SYNE1: variants seen among roughly 807,000 people sequenced by gnomAD.
SYNE1 encodes the protein nesprin-1.
A neutral mutation model predicts 1,111.0 loss-of-function variants in SYNE1; 616 were observed. The ratio of observed to expected loss-of-function variants is 0.55; its 90% confidence interval spans 0.52 to 0.59. SYNE1 has a LOEUF of 0.59. Among genes scored for constraint, SYNE1 ranks in the 20% least tolerant of loss-of-function variants. The pLI, the probability that SYNE1 is intolerant of heterozygous loss-of-function variation, is 0.00. For synonymous variants in SYNE1, 3,855 were observed against 3,825.8 expected (o/e 1.01, Z -0.28); for missense variants, 10,006 against 10,417.0 (o/e 0.96, Z 1.72).
rs866797912 is a variant in SYNE1, at chr6:152,356,374, A to T, written c.10609-1398T>A. On this transcript the variant is annotated intron_variant, in intron 66 of 145. Coordinates refer to ENST00000367255, the MANE Select transcript of SYNE1 (RefSeq NM_182961.4). Reference sequence around the variant, plus strand: ...TATCTATTATCCAAGTTAATATTCTATTAAATAAATTCTCATATATCCCAA... The same window carrying T: ...TATCTATTATCCAAGTTAATATTCTTTTAAATAAATTCTCATATATCCCAA... Among the ~76,000 whole-genome samples the T allele has an allele frequency of 2.8e-4, 42 of 151,064 alleles. No homozygotes were observed. In the Middle Eastern group the frequency reaches 0.017, roughly 62 times the overall value.
At chr6:152,262,317 T>A in intron 100 of SYNE1, 129 bp from the exon 101 acceptor site, 1 of 841,420 alleles carries the variant, frequency 1.2e-6, no homozygotes. Flanking sequence ...GCTTACACTT[T>A]AAAAATAACA....
Position 152,310,849 on chromosome 6 carries a change from T to A in SYNE1, c.16735A>T (p.Ile5579Phe), listed in dbSNP as rs1396204256. 1 of 1,613,886 alleles carries A rather than the reference T, an allele frequency of 6.2e-7. No homozygotes were observed. The highest frequency in any genetic ancestry group is 1.3e-5 in the African/African-American group (1 of 74,896). ...GTCATTGCTTCCAGCTCACTGTCAA[T>A]TTCTTTGGATTCTTCTAGCAGGGTC... is the stretch of plus-strand genomic sequence containing the variant. Reference protein sequence around the residue: ...HQTLLEESKEIDSELEAMTEK... With the variant: ...HQTLLEESKEFDSELEAMTEK... Residue 5579 changes from isoleucine to phenylalanine, a missense_variant, in exon 88 of 146, where the codon ATT becomes TTT. Coordinates refer to ENST00000367255, the MANE Select transcript of SYNE1 (RefSeq NM_182961.4).
intron 63 of SYNE1, among the ~76,000 whole-genome samples, chr6:152,364,514 A>G (rs866969088): frequency 5.3e-5 from 8 of 151,220 alleles, no homozygotes; most frequent in African/African-American, 1.7e-4. Flanking sequence ...ATTTTTAGTT[A>G]TATTACCACA....
Position 152,465,464 on chromosome 6 carries a change from A to C in SYNE1, c.1730-4T>G. 1 of 1,611,826 alleles carries C rather than the reference A, an allele frequency of 6.2e-7. No homozygotes were observed. Among genetic ancestry groups the C allele is most frequent in the Non-Finnish European group, 8.5e-7 (1 of 1,178,928 alleles). On this transcript the variant is annotated splice_region_variant and splice_polypyrimidine_tract_variant and intron_variant, in intron 17 of 145. Coordinates refer to ENST00000367255, the MANE Select transcript of SYNE1 (RefSeq NM_182961.4). ...ATCACATTCTCAGCTTCTTCCACTGAAACAGATAAAACCAATTATAACCCT... is the reference window on the plus strand; with the variant it reads ...ATCACATTCTCAGCTTCTTCCACTGCAACAGATAAAACCAATTATAACCCT...
chr6:152,302,171 C>T, intron 91 of SYNE1, 108 bp from the exon 92 acceptor site: 2 of 1,490,996 alleles, frequency 1.3e-6, no homozygotes, highest in Non-Finnish European at 1.8e-6. Flanking sequence ...CAGAGCCGCG[C>T]GGGCCCGGGA....
At chr6:152,595,447 CCTT>C (rs764554860) in intron 3 of SYNE1, among the ~76,000 whole-genome samples, 6 of 152,172 alleles carry the variant, frequency 3.9e-5, no homozygotes, top group South Asian at 2.1e-4. Flanking sequence ...AAGGCTCTGT[CCTT>C]CTCATGCAGG....
chr6:152,475,984 A>C (rs1038191207), intron 14 of SYNE1, among the ~76,000 whole-genome samples: 3 of 152,126 alleles, frequency 2.0e-5, no homozygotes, highest in African/African-American at 7.2e-5. Context: ...CTCCAACTTC[A>C]CTGGTTGCTC....
intron 84 of SYNE1, among the ~76,000 whole-genome samples, chr6:152,319,610 T>C (rs1394405888): frequency 2.0e-5 from 3 of 152,234 alleles, no homozygotes; most frequent in African/African-American, 7.2e-5. Context: ...TAACAAACAT[T>C]CACACTGTTG....
chr6:152,252,900 T>C (rs1026078982), intron 104 of SYNE1, among the ~76,000 whole-genome samples: 125 of 152,366 alleles, frequency 8.2e-4, no homozygotes, highest in African/African-American at 2.6e-3. Flanking sequence ...GCCTAATTCA[T>C]ATTTTACTGT....
chr6:152,353,210 G>T, intron 69 of SYNE1, 53 bp downstream of exon 69: 1 of 1,603,526 alleles, frequency 6.2e-7, no homozygotes, highest in South Asian at 1.1e-5. Flanking sequence ...AGGAGAATGG[G>T]GCAGCTTGGT....
rs757719808 is a variant in SYNE1, at chr6:152,451,103, G to A, written c.3130C>T (p.Arg1044Ter). The change falls in exon 26 of 146, where the codon CGA becomes TGA. Residue 1044 changes from arginine to a stop codon, truncating the protein, a stop_gained. Coordinates refer to ENST00000367255, the MANE Select transcript of SYNE1 (RefSeq NM_182961.4). LOFTEE classifies it high-confidence loss of function. ...TCCTGGGGCATCAGCTTGGTCTCTC[G>A]ATCCAGCTCAGTTCTGCATTCTTCT... ...SVEECRTELD[R>*]ETKLMPQEGS... 3.7e-6 allele frequency: 6 copies of A among 1,613,994 alleles called. No homozygotes were observed. The highest frequency in any genetic ancestry group is 1.3e-5 in the African/African-American group (1 of 74,994).
At position 152,465,843 on chromosome 6, in the gene SYNE1, C is replaced by T. The variant is rs1446187025; in HGVS notation, c.1729+139G>A. On this transcript the variant is annotated intron_variant, in intron 17 of 145. Coordinates refer to ENST00000367255, the MANE Select transcript of SYNE1 (RefSeq NM_182961.4). Reference sequence around the variant, plus strand: ...TTGTACAAAGCCAAGGGAACTGAATCCAGTATGTGTTCTCCTGGCCAATGG... The same window carrying T: ...TTGTACAAAGCCAAGGGAACTGAATTCAGTATGTGTTCTCCTGGCCAATGG... The T allele has an allele frequency of 4.5e-6, 3 of 670,990 alleles. No homozygotes were observed. The African/African-American group carries it at 5.4e-5, about 12-fold the overall frequency. The allele number at this position is 670,990 out of a possible 1,614,324, so 41.6% of individuals were successfully genotyped here.
intron 125 of SYNE1, 76 bp from the exon 126 acceptor site, chr6:152,206,438 C>T: frequency 6.4e-7 from 1 of 1,550,404 alleles, no homozygotes; most frequent in Admixed American, 1.8e-5. Flanking sequence ...TTTAAATGGC[C>T]CTAACTTTTG....
Position 152,123,921 on chromosome 6 carries a change from G to A in SYNE1, c.26154-1245C>T, listed in dbSNP as rs184247334. Among the ~76,000 whole-genome samples the A allele has an allele frequency of 1.6e-4, 25 of 152,312 alleles. No homozygotes were observed. In the East Asian group the frequency reaches 4.4e-3, roughly 27 times the overall value. Reference sequence around the variant, plus strand: ...CTGAAGACAGACTACCCTAATATCGGTGGGGGATGCGGAGTGACACCTAAG... The same window carrying A: ...CTGAAGACAGACTACCCTAATATCGATGGGGGATGCGGAGTGACACCTAAG... On this transcript the variant is annotated intron_variant, in intron 145 of 145. Coordinates refer to ENST00000367255, the MANE Select transcript of SYNE1 (RefSeq NM_182961.4).
At chr6:152,398,528 G>T (rs1049685428) in intron 49 of SYNE1, 91 bp downstream of exon 49, 1 of 1,055,448 alleles carries the variant, frequency 9.5e-7, no homozygotes, top group South Asian at 1.3e-5. Context: ...GATTGGCTCA[G>T]ATAAGATTTG....
At chr6:152,537,842 G>A (rs1031770452) in intron 4 of SYNE1, among the ~76,000 whole-genome samples, 30 of 152,122 alleles carry the variant, frequency 2.0e-4, no homozygotes, top group African/African-American at 6.3e-4. Context: ...AGGAGAAAAG[G>A]ATCAACTTCC....
At position 152,323,516 on chromosome 6, in the gene SYNE1, G is replaced by C; in HGVS notation, c.15879C>G (p.Leu5293=). 6.2e-7 allele frequency: 1 copy of C among 1,614,102 alleles called. No individual in the cohort carries two copies. The highest frequency in any genetic ancestry group is 8.5e-7 in the Non-Finnish European group (1 of 1,179,986). The change falls in exon 82 of 146, where the codon CTC becomes CTG. Residue 5293 remains leucine (L), a synonymous_variant. Transcript: ENST00000367255. ...AAPTPGEEPP[L]MQEITAMQDR... is the part of the protein sequence containing the mutation. ...CTTGCATGGCGGTGATTTCCTGCAT[G>C]AGCGGAGGCTCTTCCCCAGGGGTTG...
rs571706838 is a variant in SYNE1 at position 152,553,645 on chromosome 6, CA to C, written c.68-13625del. On this transcript the variant is annotated intron_variant, in intron 3 of 145. Coordinates refer to ENST00000367255, the MANE Select transcript of SYNE1 (RefSeq NM_182961.4). ...CATCTTACTACTACTTGAGCCTCCT[CA>C]ACAGAGCAGGAAATGTTTATGGGAA... is the stretch of plus-strand genomic sequence containing the variant. Among the ~76,000 whole-genome samples the C allele has an allele frequency of 8.5e-5, 13 of 152,242 alleles. No homozygotes were observed. In the South Asian group the frequency reaches 2.7e-3, roughly 32 times the overall value.
intron 3 of SYNE1, among the ~76,000 whole-genome samples, chr6:152,612,578 G>T (rs904742909): frequency 1.5e-4 from 23 of 152,140 alleles, no homozygotes; most frequent in African/African-American, 5.6e-4. Context: ...GTACAAAGAG[G>T]AGCTGGTACC....
Sources: allele counts gnomAD v4.1 joint callset (sites outside exome capture counted in the v4.1 genomes callset), GRCh38; gene constraint gnomAD v4.1.1; transcripts MANE v1.5; gene names NCBI Gene and HGNC (gene_info 2026-07-23, HGNC 2026-07-21).